GLDC: variants seen among roughly 807,000 people sequenced by gnomAD.
GLDC encodes glycine decarboxylase.
A neutral mutation model predicts 121.3 loss-of-function variants in GLDC; 104 were observed. The ratio of observed to expected loss-of-function variants is 0.86; its 90% CI spans 0.73 to 1.01. The LOEUF (loss-of-function observed/expected upper bound fraction) is 1.01. Among genes scored for constraint, GLDC ranks in the 50% least tolerant of loss-of-function variants. The pLI, the probability that GLDC is intolerant of heterozygous loss-of-function variation, is 0.00. For synonymous variants in GLDC, 546 were observed against 480.6 expected (o/e 1.14, Z -1.78); for missense variants, 1,429 against 1,306.6 (o/e 1.09, Z -1.44).
intron 8 of GLDC, among the ~76,000 whole-genome samples, chr9:6,598,228 AC>A (rs1818529488): frequency 6.6e-6 from 1 of 152,220 alleles, no homozygotes; most frequent in South Asian, 2.1e-4. Context: ...CAGGAGTCTC[AC>A]TATGTTGCCT....
At chr9:6,633,172 C>A (rs1166803335) in intron 2 of GLDC, among the ~76,000 whole-genome samples, 1 of 152,152 alleles carries the variant, frequency 6.6e-6, no homozygotes. Context: ...CCTCTTCTGC[C>A]TAAGAAAGGT....
intron 15 of GLDC, chr9:6,566,541 G>C (rs988516667): frequency 6.6e-6 from 1 of 152,224 alleles, no homozygotes; most frequent in Non-Finnish European, 1.5e-5. Context: ...GCAGATGGCT[G>C]TTAGGGGCTG....
chr9:6,567,565 GCT>G (rs1249717533), intron 15 of GLDC: 1 of 152,188 alleles, frequency 6.6e-6, no homozygotes, highest in African/African-American at 2.4e-5. Flanking sequence ...CACCAATCCA[GCT>G]CTGTCACTTC....
Position 6,610,323 on chromosome 9 carries a change from C to T in GLDC, c.504G>A (p.Val168=), listed in dbSNP as rs151218113. 3 of 1,613,544 alleles carry T rather than the reference C, an allele frequency of 1.9e-6. No individual in the cohort carries two copies. Among genetic ancestry groups the T allele is most frequent in the African/African-American group, 2.7e-5 (2 of 74,940 alleles). Reference sequence around the variant, plus strand: ...GTAAACTCTCCAGCCTCCCCTGAGACACCTCAGGCTGGTATGGAGTATACT... The same window carrying T: ...GTAAACTCTCCAGCCTCCCCTGAGATACCTCAGGCTGGTATGGAGTATACT... ...ITQYTPYQPE[V]SQGRLESLLN... is the part of the protein sequence containing the mutation. Residue 168 remains valine (V), a synonymous_variant, in exon 4 of 25, where the codon GTG becomes GTA. Coordinates refer to ENST00000321612, the MANE Select transcript of GLDC (RefSeq NM_000170.3).
intron 2 of GLDC, among the ~76,000 whole-genome samples, chr9:6,628,525 C>G (rs1051650775): frequency 1.3e-5 from 2 of 152,200 alleles, no homozygotes; most frequent in South Asian, 4.1e-4. Context: ...GGCAGTGGCT[C>G]ACGCCTGTTA....
intron 15 of GLDC, among the ~76,000 whole-genome samples, chr9:6,583,157 G>A (rs766563143): frequency 1.1e-4 from 16 of 152,074 alleles, no homozygotes; most frequent in African/African-American, 2.4e-4. Context: ...ACAGTACGGC[G>A]ATTCCTCAAA....
intron 15 of GLDC, among the ~76,000 whole-genome samples, chr9:6,585,868 GTATC>G (rs1214635048): frequency 0.056 from 6,487 of 116,348 alleles, 396 homozygotes; most frequent in African/African-American, 0.16. Flanking sequence ...ATGTATGTAT[GTATC>G]TATCTATCTA....
chr9:6,535,022 A>T (rs1362771171), intron 23 of GLDC, among the ~76,000 whole-genome samples: 3 of 152,216 alleles, frequency 2.0e-5, no homozygotes, highest in African/African-American at 7.2e-5. Flanking sequence ...GCATTCTGTC[A>T]TATTTGCTTC....
chr9:6,603,504 C>A (rs1485745553), intron 7 of GLDC, among the ~76,000 whole-genome samples: 6 of 151,538 alleles, frequency 4.0e-5, no homozygotes, highest in African/African-American at 1.5e-4. Context: ...TGCACTCCAG[C>A]CTGGGTGATG....
intron 2 of GLDC, 156 bp downstream of exon 2, chr9:6,644,458 T>A (rs772865192): frequency 2.9e-6 from 2 of 678,192 alleles, no homozygotes; most frequent in Admixed American, 2.2e-5. Flanking sequence ...ATATCCCACC[T>A]TCCCGCGGCT....
Position 6,645,460 on chromosome 9 carries a change from G to C in GLDC, c.40C>G (p.Arg14Gly), listed in dbSNP as rs182760732. 8.0e-7 allele frequency: 1 copy of C among 1,247,824 alleles called. No homozygotes were observed. Among genetic ancestry groups the C allele is most frequent in the African/African-American group, 1.6e-5 (1 of 63,054 alleles). The allele number at this position is 1,247,824 out of a possible 1,614,324, so 77.3% of individuals were successfully genotyped here. Residue 14 changes from arginine to glycine, a missense_variant, in exon 1 of 25, where the codon CGC becomes GGC. Transcript: ENST00000321612. ...CARAWGLRLG[R>G]GVGGGRRLAG... is the part of the protein sequence containing the mutation. ...AGGCGGCGGCCGCCCCCGACCCCGC[G>C]GCCCAGGCGCAGCCCCCACGCCCTG...
chr9:6,558,476 AT>A (rs1464022739), intron 17 of GLDC, 82 bp downstream of exon 17: 44 of 1,473,460 alleles, frequency 3.0e-5, no homozygotes, highest in Non-Finnish European at 4.0e-5. Flanking sequence ...AAGAGAAGAC[AT>A]TTACATAATC....
chr9:6,605,364 T>C, intron 5 of GLDC, 86 bp from the exon 6 acceptor site: 1 of 1,407,596 alleles, frequency 7.1e-7, no homozygotes, highest in Non-Finnish European at 9.9e-7. Context: ...AAGACAGCAT[T>C]CATTTTCTGT....
chr9:6,620,279 G>C lies in GLDC; in HGVS notation c.375C>G (p.Ser125Arg). 1.2e-6 allele frequency: 2 copies of C among 1,613,360 alleles called. No individual in the cohort carries two copies. The highest frequency in any genetic ancestry group is 1.7e-6 in the Non-Finnish European group (2 of 1,179,300). Residue 125 changes from serine (S) to arginine (R), a missense_variant, in exon 3 of 25, where the codon AGC (serine) becomes AGG (arginine). Coordinates refer to ENST00000321612, the MANE Select transcript of GLDC (RefSeq NM_000170.3). ...EILATLHAISSKNQIWRSYIG... is the reference protein window; with the variant it reads ...EILATLHAISRKNQIWRSYIG... ...TATACGATCTCCAGATCTGGTTTTT[G>C]CTTGAAATGGCATGCAGAGTTGCAA...
intron 2 of GLDC, among the ~76,000 whole-genome samples, chr9:6,622,590 T>C (rs1302565388): frequency 2.0e-5 from 3 of 152,104 alleles, no homozygotes; most frequent in African/African-American, 7.2e-5. Flanking sequence ...CTCGGCTCGC[T>C]ACAACCTCCA....
intron 2 of GLDC, among the ~76,000 whole-genome samples, chr9:6,623,540 T>A (rs1819165263): frequency 1.3e-5 from 2 of 151,288 alleles, no homozygotes; most frequent in South Asian, 4.2e-4. Flanking sequence ...GTTTATCTGC[T>A]GACCTTCCCT....
chr9:6,616,295 A>T (rs1412062346), intron 3 of GLDC, among the ~76,000 whole-genome samples: 1 of 152,180 alleles, frequency 6.6e-6, no homozygotes, highest in Non-Finnish European at 1.5e-5. Context: ...TCTGTCCCTT[A>T]TGTAATATTT....
chr9:6,636,130 C>G (rs888464337), intron 2 of GLDC, among the ~76,000 whole-genome samples: 6 of 151,952 alleles, frequency 3.9e-5, no homozygotes, highest in East Asian at 1.9e-4. Context: ...TGGTGAAACC[C>G]CCGTCTCTAC....
chr9:6,605,836 A>G (rs1818719543), intron 5 of GLDC: 1 of 199,772 alleles, frequency 5.0e-6, no homozygotes, highest in African/African-American at 2.3e-5. Context: ...CACGAAAGAA[A>G]AGTACTACAC....
Sources: allele counts gnomAD v4.1 joint callset (sites outside exome capture counted in the v4.1 genomes callset), GRCh38; gene constraint gnomAD v4.1.1; transcripts MANE v1.5; gene names NCBI Gene and HGNC (gene_info 2026-07-23, HGNC 2026-07-21).